SESN3: variants seen among roughly 807,000 people sequenced by gnomAD.
SESN3 encodes the protein sestrin-3.
SESN3 carries 21 observed loss-of-function variants against 55.3 expected under a neutral mutation model. The ratio of observed to expected loss-of-function variants is 0.38; its 90% CI spans 0.27 to 0.55. The LOEUF (loss-of-function observed/expected upper bound fraction) is 0.55, where lower values mean the gene tolerates loss of function less well. Ranked by LOEUF, SESN3 falls within the 20% of genes least tolerant of loss-of-function variation. The pLI is 0.76. For synonymous variants in SESN3, 181 were observed against 203.1 expected, an observed-to-expected ratio of 0.89 and a Z score of 0.93; for missense variants, 408 against 604.3, an observed-to-expected ratio of 0.68 and a Z score of 3.41.
At chr11:95,215,143 T>C (rs562576207) in intron 1 of SESN3, among the ~76,000 whole-genome samples, 13 of 151,944 alleles carry the variant, frequency 8.6e-5, no homozygotes, top group Non-Finnish European at 1.8e-4. Context: ...ATTTGGTTAA[T>C]ACTACTAGAC....
chr11:95,211,219 G>A (rs890756646), intron 1 of SESN3, among the ~76,000 whole-genome samples: 2 of 152,028 alleles, frequency 1.3e-5, no homozygotes, highest in African/African-American at 4.8e-5. Flanking sequence ...ACTGCCCCTC[G>A]TTGTTCATTC....
chr11:95,205,826 G>A (rs1860536531), intron 1 of SESN3, among the ~76,000 whole-genome samples: 1 of 151,902 alleles, frequency 6.6e-6, no homozygotes, highest in Non-Finnish European at 1.5e-5. Flanking sequence ...AAACTTCTCA[G>A]TGAGTCTAAT....
intron 1 of SESN3, among the ~76,000 whole-genome samples, chr11:95,215,134 T>C (rs1455502123): frequency 6.6e-6 from 1 of 151,848 alleles, no homozygotes; most frequent in Non-Finnish European, 1.5e-5. Flanking sequence ...TGTGGAAGCA[T>C]TTGGTTAATA....
intron 6 of SESN3, among the ~76,000 whole-genome samples, chr11:95,181,805 C>G (rs1214576703): frequency 6.6e-6 from 1 of 151,956 alleles, no homozygotes; most frequent in Admixed American, 6.6e-5. Flanking sequence ...CAAAAAAAAC[C>G]CTTTTTATTT....
intron 1 of SESN3, chr11:95,201,306 T>C (rs970859929): frequency 6.6e-6 from 1 of 152,058 alleles, no homozygotes; most frequent in African/African-American, 2.4e-5. Context: ...GTAGTACTCA[T>C]TGTAGTAGAA....
rs749174396 is a variant in SESN3, at chr11:95,191,509, C to T, written c.237G>A (p.Met79Ile). 2 of 1,613,044 alleles carry T rather than the reference C, an allele frequency of 1.2e-6. No homozygotes were observed. Among genetic ancestry groups the T allele is most frequent in the Non-Finnish European group, 8.5e-7 (1 of 1,179,316 alleles). ...ACTCCAGGTACTGAGTGTGTAAACT[C>T]ATGACCTGTGTGATGTTGTCCAGAC... Reference protein sequence around the residue: ...SGRLDNITQVMSLHTQYLESF... With the variant: ...SGRLDNITQVISLHTQYLESF... The change falls in exon 3 of 10, where the codon ATG (methionine) becomes ATA (isoleucine). Residue 79 changes from methionine to isoleucine, a missense_variant. By Grantham distance (10) the Met-to-Ile change is conservative. Around this residue, in one of 4 missense-constraint regions of SESN3, gnomAD observed 107 missense variants for 211.3 expected, o/e 0.51. Transcript: ENST00000536441.
chr11:95,180,838 C>T (rs968515772), intron 6 of SESN3, among the ~76,000 whole-genome samples: 2 of 152,046 alleles, frequency 1.3e-5, no homozygotes, highest in Non-Finnish European at 2.9e-5. Flanking sequence ...CCTTGTCCTC[C>T]AGCACTCTAT....
At chr11:95,200,008 T>A (rs1011070609) in intron 1 of SESN3, among the ~76,000 whole-genome samples, 2 of 152,026 alleles carry the variant, frequency 1.3e-5, no homozygotes, top group Non-Finnish European at 1.5e-5. Context: ...TGACAAAATG[T>A]CTTAAATACA....
At chr11:95,196,925 A>C (rs1860372256) in intron 1 of SESN3, among the ~76,000 whole-genome samples, 2 of 152,192 alleles carry the variant, frequency 1.3e-5, no homozygotes, top group Non-Finnish European at 2.9e-5. Context: ...CAATCCCAGA[A>C]CCAAGCATTT....
At chr11:95,190,099 AAC>A (rs1860237471) in intron 3 of SESN3, 138 bp from the exon 4 acceptor site, 1 of 612,584 alleles carries the variant, frequency 1.6e-6, no homozygotes, top group Non-Finnish European at 2.7e-6. Context: ...CTTTTTCTAA[AAC>A]ATCCATCATA....
chr11:95,202,453 T>C (rs2134246007), intron 1 of SESN3, among the ~76,000 whole-genome samples: 1 of 152,192 alleles, frequency 6.6e-6, no homozygotes, highest in South Asian at 2.1e-4. Context: ...ATGTGCCCTC[T>C]GGATGCCTAT....
At chr11:95,228,317 T>G (rs1257559667) in intron 1 of SESN3, among the ~76,000 whole-genome samples, 2 of 152,192 alleles carry the variant, frequency 1.3e-5, no homozygotes, top group East Asian at 3.8e-4. Context: ...AGGTGACCCT[T>G]CTTCCATCAT....
At chr11:95,213,376 A>C (rs1860694338) in intron 1 of SESN3, among the ~76,000 whole-genome samples, 1 of 152,220 alleles carries the variant, frequency 6.6e-6, no homozygotes, top group Non-Finnish European at 1.5e-5. Context: ...GATTTAGTCA[A>C]GGGGCAAACA....
At chr11:95,177,607 T>C (rs528736668) in intron 8 of SESN3, 112 bp downstream of exon 8, 353 of 648,952 alleles carry the variant, frequency 5.4e-4, no homozygotes, top group Non-Finnish European at 7.4e-4. Flanking sequence ...ATCAGAAGTC[T>C]ACATGTAATA....
chr11:95,202,853 T>C (rs552930621), intron 1 of SESN3, among the ~76,000 whole-genome samples: 45 of 152,202 alleles, frequency 3.0e-4, no homozygotes, highest in Admixed American at 1.3e-3. Context: ...TGAATAATTG[T>C]TTAAAAGTTT....
rs1860232886 is a variant in SESN3, at chr11:95,189,799, T to C, written c.505A>G (p.Ile169Val). The C allele has an allele frequency of 6.2e-7, 1 of 1,606,622 alleles. No individual in the cohort carries two copies. Among genetic ancestry groups the C allele is most frequent in the South Asian group, 1.1e-5 (1 of 89,476 alleles). The change falls in exon 4 of 10, where the codon ATC becomes GTC. Residue 169 changes from isoleucine (I) to valine (V), a missense_variant. Ile to Val is a conservative substitution (Grantham distance 29). Coordinates refer to ENST00000536441, the MANE Select transcript of SESN3 (RefSeq NM_144665.4). ...AGTACCTGAATGTGCTCTTTTGTGA[T>C]CAGCCAAGGTCGATGTGCTAGCAGC... is the stretch of plus-strand genomic sequence containing the variant. ...NKLLAHRPWL[I>V]TKEHIQKLVK... is the part of the protein sequence containing the mutation.
Position 95,185,343 on chromosome 11 carries a change from C to A in SESN3, c.675G>T (p.Arg225Ser). The A allele has an allele frequency of 6.2e-7, 1 of 1,613,150 alleles. No individual in the cohort carries two copies. The highest frequency in any genetic ancestry group is 1.1e-5 in the South Asian group (1 of 91,060). ...CGCAGAAATTGTTGACTGATATTAG[C>A]CTGAATCCATTGGAGATTTCTGGAT... ...ERDPEISNGF[R>S]LISVNNFCVC... The change falls in exon 5 of 10, where the codon AGG becomes AGT. Residue 225 changes from arginine (R) to serine (S), a missense_variant. By Grantham distance (110) the Arg-to-Ser change is moderately radical. Around this residue, in one of 4 missense-constraint regions of SESN3, gnomAD observed 119 missense variants for 139.9 expected, o/e 0.85. Coordinates refer to ENST00000536441, the MANE Select transcript of SESN3 (RefSeq NM_144665.4).
intron 1 of SESN3, among the ~76,000 whole-genome samples, chr11:95,219,956 A>G (rs112299902): frequency 1.3e-5 from 2 of 152,180 alleles, no homozygotes; most frequent in South Asian, 2.1e-4. Context: ...ACTTAACCAC[A>G]TATCTTACTG....
At chr11:95,227,221 C>G (rs1860963501) in intron 1 of SESN3, among the ~76,000 whole-genome samples, 1 of 145,948 alleles carries the variant, frequency 6.9e-6, no homozygotes, top group Admixed American at 7.0e-5. Flanking sequence ...CAGAGTTTTG[C>G]TCTTGTTGCT....
Sources: allele counts gnomAD v4.1 joint callset (sites outside exome capture counted in the v4.1 genomes callset), GRCh38; gene constraint gnomAD v4.1.1; regional missense constraint gnomAD v4.1.1; transcripts MANE v1.5; gene names NCBI Gene and HGNC (gene_info 2026-07-23, HGNC 2026-07-21).